BCAS3: variants seen among roughly 807,000 people sequenced by gnomAD.
BCAS3 encodes BCAS3 microtubule associated cell migration factor.
Under a neutral mutation model 116.1 loss-of-function variants are expected in BCAS3, and 53 were observed. The ratio of observed to expected loss-of-function variants is 0.46; its 90% CI spans 0.37 to 0.57. BCAS3 has a LOEUF of 0.57. BCAS3 is among the 20% of genes least tolerant of loss of function. The pLI is 0.00. For missense variants in BCAS3, 917 were observed against 1,165.4 expected, an observed-to-expected ratio of 0.79 and a Z score of 3.10; for synonymous variants, 391 against 408.2, an observed-to-expected ratio of 0.96 and a Z score of 0.51.
chr17:61,103,377 T>C (rs1335689283), intron 22 of BCAS3, among the ~76,000 whole-genome samples: 1 of 152,140 alleles, frequency 6.6e-6, no homozygotes, highest in African/African-American at 2.4e-5. Context: ...AAGGAATATG[T>C]TGACATTTTT....
intron 6 of BCAS3, among the ~76,000 whole-genome samples, chr17:60,775,330 C>T (rs995764386): frequency 1.2e-4 from 19 of 152,108 alleles, no homozygotes; most frequent in Non-Finnish European, 2.5e-4. Context: ...TTTCCTTCTC[C>T]TCTTAACTAT....
rs1327393957 is a variant in BCAS3 at position 61,017,357 on chromosome 17, A to G, written c.1637+1456A>G. On this transcript the variant is annotated intron_variant, in intron 16 of 23. Transcript: ENST00000407086. The surrounding 1 kb of genome is among the most constrained non-coding windows in gnomAD (Gnocchi z 4.7). ...TTTACTTACTGAAGTTAGTCAGTAC[A>G]TAATTGTATCATCTTGATTCACTCC... is the stretch of plus-strand genomic sequence containing the variant. Among the ~76,000 whole-genome samples the G allele has an allele frequency of 1.3e-5, 2 of 152,178 alleles. No homozygotes were observed. The highest frequency in any genetic ancestry group is 2.9e-5 in the Non-Finnish European group (2 of 68,022).
intron 19 of BCAS3, among the ~76,000 whole-genome samples, chr17:61,072,008 A>G (rs1003408987): frequency 6.6e-6 from 1 of 152,320 alleles, no homozygotes; most frequent in East Asian, 1.9e-4. Flanking sequence ...TTATCCCACC[A>G]GATTTATTTT....
chr17:61,349,551 CT>C lies in BCAS3; in HGVS notation c.2426-18775del, dbSNP rs2057706397. 6.6e-6 allele frequency among the ~76,000 whole-genome samples: 1 copy of C among 152,208 alleles called. No homozygotes were observed. The highest frequency in any genetic ancestry group is 6.5e-5 in the Admixed American group (1 of 15,282). ...TTAGACCAGAGCCCCTCACTGCCCCCTGGTGTAGACAGTCTGATTGCCTACT... is the reference window on the plus strand; with the variant it reads ...TTAGACCAGAGCCCCTCACTGCCCCCGGTGTAGACAGTCTGATTGCCTACT... On this transcript the variant is annotated intron_variant, in intron 22 of 23. Coordinates refer to ENST00000407086, the MANE Select transcript of BCAS3 (RefSeq NM_017679.5). This position sits in a 1 kb window ranked among gnomAD's most constrained non-coding sequence, Gnocchi z 4.7.
In BCAS3 at chr17:61,313,903, G is replaced by T. The variant is rs868565402; in HGVS notation, c.2426-54424G>T. Among the ~76,000 whole-genome samples the T allele has an allele frequency of 6.6e-6, 1 of 152,150 alleles. No individual in the cohort carries two copies. The highest frequency in any genetic ancestry group is 1.5e-5 in the Non-Finnish European group (1 of 68,026). On this transcript the variant is annotated intron_variant, in intron 22 of 23. Coordinates refer to ENST00000407086, the MANE Select transcript of BCAS3 (RefSeq NM_017679.5). The surrounding 1 kb of genome is among the most constrained non-coding windows in gnomAD (Gnocchi z 4.3). ...GCTGTCTCCTCCACCAGCCCCACTC[G>T]CCCGGCCCCATACTTAGTGCTGGCT... is the stretch of plus-strand genomic sequence containing the variant.
intron 10 of BCAS3, among the ~76,000 whole-genome samples, chr17:60,899,264 A>C (rs141888362): frequency 6.6e-6 from 1 of 151,934 alleles, no homozygotes; most frequent in African/African-American, 2.4e-5. Flanking sequence ...CTCACCCCCC[A>C]GTCCCGGTGG....
In BCAS3 at chr17:61,013,265, A is replaced by G. The variant is rs1021041889; in HGVS notation, c.1487-2486A>G. Among the ~76,000 whole-genome samples, 7 of 152,086 alleles carry G rather than the reference A, an allele frequency of 4.6e-5. No homozygotes were observed. The highest frequency in any genetic ancestry group is 1.7e-4 in the African/African-American group (7 of 41,430). ...ATGATAACAAGGAAAACAGTCCCTT[A>G]CAGTGTTATCTTAAGCTAAGGCACT... is the stretch of plus-strand genomic sequence containing the variant. On this transcript the variant is annotated intron_variant, in intron 15 of 23. Transcript: ENST00000407086. The surrounding 1 kb of genome is among the most constrained non-coding windows in gnomAD (Gnocchi z 4.4).
chr17:61,222,340 T>C lies in BCAS3; in HGVS notation c.2425+137776T>C, dbSNP rs1055213688. Among the ~76,000 whole-genome samples the C allele has an allele frequency of 3.3e-5, 5 of 152,226 alleles. No homozygotes were observed. Among genetic ancestry groups the C allele is most frequent in the Non-Finnish European group, 5.9e-5 (4 of 68,050 alleles). ...GAAAAGCAAGAAACTTCGGCTTGAC[T>C]AATGAGTATGGTCTTGGTGTGGTCC... On this transcript the variant is annotated intron_variant, in intron 22 of 23. Coordinates refer to ENST00000407086, the MANE Select transcript of BCAS3 (RefSeq NM_017679.5). The surrounding 1 kb of genome is among the most constrained non-coding windows in gnomAD (Gnocchi z 6.1).
At position 60,989,369 on chromosome 17, in the gene BCAS3, T is replaced by G. The variant is rs187011916; in HGVS notation, c.1222-602T>G. Among the ~76,000 whole-genome samples, 502 of 152,322 alleles carry G rather than the reference T, an allele frequency of 3.3e-3. 14 individuals are homozygous for G. Among genetic ancestry groups the G allele is most frequent in the Admixed American group, 0.031 (472 of 15,308 alleles). ...GATAAAGGTAGTAAATTCAATTTGC[T>G]AATTCAGAAATACTGGAGATTCTTT... On this transcript the variant is annotated intron_variant, in intron 14 of 23. Coordinates refer to ENST00000407086, the MANE Select transcript of BCAS3 (RefSeq NM_017679.5).
At chr17:60,793,360 G>T (rs2046941109) in intron 6 of BCAS3, among the ~76,000 whole-genome samples, 1 of 152,142 alleles carries the variant, frequency 6.6e-6, no homozygotes, top group Non-Finnish European at 1.5e-5. Context: ...CTCCCAAAGT[G>T]CTGGGATTAC....
At chr17:60,852,975 C>T (rs2053311198) in intron 7 of BCAS3, among the ~76,000 whole-genome samples, 1 of 152,176 alleles carries the variant, frequency 6.6e-6, no homozygotes, top group South Asian at 2.1e-4. Flanking sequence ...AACTTACGTC[C>T]TCCCAAAAAC....
intron 13 of BCAS3, among the ~76,000 whole-genome samples, chr17:60,930,166 A>G (rs903225802): frequency 2.0e-5 from 3 of 152,152 alleles, no homozygotes; most frequent in African/African-American, 7.2e-5. Context: ...TTCTTTACCC[A>G]TACATGTAAC....
rs139359566 is a variant in BCAS3 at position 61,058,797 on chromosome 17, A to G, written c.2030-16123A>G. Among the ~76,000 whole-genome samples the G allele has an allele frequency of 3.0e-4, 45 of 152,274 alleles. No homozygotes were observed. In the East Asian group the frequency reaches 8.5e-3, roughly 29 times the overall value. On this transcript the variant is annotated intron_variant, in intron 19 of 23. Coordinates refer to ENST00000407086, the MANE Select transcript of BCAS3 (RefSeq NM_017679.5). ...AAAGATTATATTAAGTGAAGCAGACATTGAATAGACAAACAACAGACTCTC... is the reference window on the plus strand; with the variant it reads ...AAAGATTATATTAAGTGAAGCAGACGTTGAATAGACAAACAACAGACTCTC...
chr17:60,885,771 C>A (rs1294445055), intron 9 of BCAS3, among the ~76,000 whole-genome samples: 1 of 146,690 alleles, frequency 6.8e-6, no homozygotes, highest in East Asian at 2.0e-4. Context: ...TGAATATTGG[C>A]CCCCTCTCTC....
intron 8 of BCAS3, among the ~76,000 whole-genome samples, chr17:60,869,291 A>T (rs2054896964): frequency 6.6e-6 from 1 of 152,198 alleles, no homozygotes; most frequent in African/African-American, 2.4e-5. Context: ...GGAGAAAGGA[A>T]CCTTAGGAAT....
chr17:61,271,424 A>ATGTTTTTTTTTTTTTTTTT (rs2050245551), intron 22 of BCAS3, among the ~76,000 whole-genome samples: 1 of 70,234 alleles, frequency 1.4e-5, no homozygotes, highest in Non-Finnish European at 2.4e-5. Flanking sequence ...CCATGCCCGG[A>ATGTTTTTTTTTTTTTTTTT]TTTTTTTTTT....
Position 61,327,550 on chromosome 17 carries a change from G to A in BCAS3, c.2426-40777G>A, listed in dbSNP as rs145250399. On this transcript the variant is annotated intron_variant, in intron 22 of 23. Transcript: ENST00000407086. This position sits in a 1 kb window ranked among gnomAD's most constrained non-coding sequence, Gnocchi z 5.9. ...GACAGAGTCTCACTCTGTCACCCAGGCTGGAGAGTAGTGTAGTGTCACAGT... is the reference window on the plus strand; with the variant it reads ...GACAGAGTCTCACTCTGTCACCCAGACTGGAGAGTAGTGTAGTGTCACAGT... Among the ~76,000 whole-genome samples, 339 of 152,054 alleles carry A rather than the reference G, an allele frequency of 2.2e-3. 6 individuals carry two copies. The highest frequency in any genetic ancestry group is 8.0e-3 in the African/African-American group (331 of 41,482).
Position 60,872,461 on chromosome 17 carries a change from AC to A in BCAS3, c.585-2197del, listed in dbSNP as rs930179670. Among the ~76,000 whole-genome samples, 5 of 150,462 alleles carry A rather than the reference AC, an allele frequency of 3.3e-5. No individual in the cohort carries two copies. In the East Asian group the frequency reaches 5.8e-4, roughly 18 times the overall value. ...TATGTATATATACACATACACACAC[AC>A]CCCATATATATCTGTATGTATATAT... On this transcript the variant is annotated intron_variant, in intron 8 of 23. Coordinates refer to ENST00000407086, the MANE Select transcript of BCAS3 (RefSeq NM_017679.5).
At chr17:60,766,809 T>C (rs377582653) in intron 6 of BCAS3, among the ~76,000 whole-genome samples, 2 of 152,206 alleles carry the variant, frequency 1.3e-5, no homozygotes, top group South Asian at 4.1e-4. Context: ...ACAGGTGGAG[T>C]CTACAGAGGC....
Sources: allele counts gnomAD v4.1 joint callset (sites outside exome capture counted in the v4.1 genomes callset), GRCh38; gene constraint gnomAD v4.1.1; non-coding constraint Gnocchi (gnomAD v3.1); transcripts MANE v1.5; gene names NCBI Gene and HGNC (gene_info 2026-07-23, HGNC 2026-07-21).